MARCHF1: variants seen among roughly 807,000 people sequenced by gnomAD.
MARCHF1 encodes the protein membrane associated ring-CH-type finger 1.
In MARCHF1, 40 loss-of-function variants were observed where a neutral mutation model predicts 54.2. The observed-to-expected ratio is 0.74, with a 90% CI of 0.57 to 0.96. MARCHF1 has a LOEUF of 0.96. MARCHF1 is among the 40% of genes least tolerant of loss of function. The probability of loss-of-function intolerance (pLI) is 0.00; values close to 1 mark genes in which losing one functional copy is unlikely to be tolerated. For synonymous variants in MARCHF1, 236 were observed against 236.3 expected, an observed-to-expected ratio of 1.00 and a Z score of 0.01; for missense variants, 586 against 656.5, an observed-to-expected ratio of 0.89 and a Z score of 1.17.
chr4:163,700,932 A>G, intron 4 of MARCHF1, 69 bp from the exon 5 acceptor site: 1 of 1,060,844 alleles, frequency 9.4e-7, no homozygotes, highest in East Asian at 2.6e-5. Flanking sequence ...TACCACTGAG[A>G]AGAGAAACCA....
At chr4:163,746,714 G>C (rs1340176026) in intron 4 of MARCHF1, among the ~76,000 whole-genome samples, 1 of 152,026 alleles carries the variant, frequency 6.6e-6, no homozygotes, top group Non-Finnish European at 1.5e-5. Flanking sequence ...AACACATTCT[G>C]ATAATATATC....
intron 1 of MARCHF1, among the ~76,000 whole-genome samples, chr4:164,264,744 A>G (rs1460152221): frequency 6.6e-6 from 1 of 151,956 alleles, no homozygotes; most frequent in Non-Finnish European, 1.5e-5. Context: ...ACATGGTGAA[A>G]CCCCATCTCT....
chr4:163,691,890 T>C (rs1015463696), intron 5 of MARCHF1, among the ~76,000 whole-genome samples: 3 of 152,148 alleles, frequency 2.0e-5, no homozygotes, highest in Admixed American at 6.6e-5. Flanking sequence ...AGAATCACCT[T>C]TGGCCTAACA....
intron 2 of MARCHF1, among the ~76,000 whole-genome samples, chr4:164,098,508 C>A (rs933394814): frequency 1.1e-4 from 16 of 152,176 alleles, no homozygotes; most frequent in African/African-American, 3.9e-4. Context: ...TCATGGTGTA[C>A]TTCAGTCTTA....
intron 2 of MARCHF1, among the ~76,000 whole-genome samples, chr4:164,016,979 C>CTTTTTATGGAAAAAACTTAGT (rs1560863370): frequency 6.6e-6 from 1 of 151,828 alleles, no homozygotes; most frequent in Non-Finnish European, 1.5e-5. Flanking sequence ...GGAAAAAACC[C>CTTTTTATGGAAAAAACTTAGT]TCATGAACCT....
intron 1 of MARCHF1, among the ~76,000 whole-genome samples, chr4:164,335,517 G>A (rs1729710355): frequency 6.6e-6 from 1 of 151,644 alleles, no homozygotes; most frequent in African/African-American, 2.4e-5. Context: ...GGGAGGCGGA[G>A]CTTGCAGTGA....
At chr4:163,738,264 C>T (rs1230098224) in intron 4 of MARCHF1, among the ~76,000 whole-genome samples, 1 of 152,134 alleles carries the variant, frequency 6.6e-6, no homozygotes, top group African/African-American at 2.4e-5. Context: ...ATCGGTTTTT[C>T]TCAGTTTATG....
At chr4:163,965,321 T>C (rs1316886627) in intron 3 of MARCHF1, among the ~76,000 whole-genome samples, 1 of 151,974 alleles carries the variant, frequency 6.6e-6, no homozygotes, top group Non-Finnish European at 1.5e-5. Context: ...GTGCCAGACG[T>C]CCACTACTCT....
intron 1 of MARCHF1, among the ~76,000 whole-genome samples, chr4:164,315,004 G>T (rs1734958605): frequency 6.6e-6 from 1 of 152,066 alleles, no homozygotes; most frequent in Non-Finnish European, 1.5e-5. Context: ...CCACTTGCCA[G>T]GTAAATGTCA....
At chr4:164,358,172 CTCT>C (rs1336738292) in intron 1 of MARCHF1, among the ~76,000 whole-genome samples, 1 of 152,126 alleles carries the variant, frequency 6.6e-6, no homozygotes, top group Non-Finnish European at 1.5e-5. Context: ...TTTGTAAAGC[CTCT>C]TCTGCTAGGT....
chr4:163,936,829 G>A (rs1464606655), intron 3 of MARCHF1, among the ~76,000 whole-genome samples: 1 of 152,112 alleles, frequency 6.6e-6, no homozygotes, highest in Non-Finnish European at 1.5e-5. Context: ...AAAACTAACA[G>A]CTGAAAAGAG....
intron 7 of MARCHF1, among the ~76,000 whole-genome samples, chr4:163,594,514 A>C (rs1458059949): frequency 6.6e-6 from 1 of 151,888 alleles, no homozygotes; most frequent in Non-Finnish European, 1.5e-5. Context: ...ACACAAACAC[A>C]CACACAAACT....
At chr4:163,758,956 T>C (rs531282106) in intron 4 of MARCHF1, among the ~76,000 whole-genome samples, 1 of 152,314 alleles carries the variant, frequency 6.6e-6, no homozygotes, top group Admixed American at 6.5e-5. Flanking sequence ...AGGCTTCTTA[T>C]TACTAGTATT....
intron 1 of MARCHF1, among the ~76,000 whole-genome samples, chr4:164,142,344 T>A (rs1000790103): frequency 1.3e-5 from 2 of 152,144 alleles, no homozygotes; most frequent in African/African-American, 4.8e-5. Context: ...CCTGCCTGCC[T>A]CTGTAGGCTC....
chr4:163,827,453 T>G (rs1748885963), intron 4 of MARCHF1, among the ~76,000 whole-genome samples: 1 of 152,204 alleles, frequency 6.6e-6, no homozygotes, highest in Non-Finnish European at 1.5e-5. Flanking sequence ...ATTAAATTTC[T>G]ATTTTATTTG....
At chr4:163,781,929 G>A (rs923868353) in intron 4 of MARCHF1, among the ~76,000 whole-genome samples, 7 of 152,078 alleles carry the variant, frequency 4.6e-5, no homozygotes, top group African/African-American at 1.7e-4. Context: ...ACTGCCTGAG[G>A]CACTTTTTGA....
chr4:163,582,353 G>T (rs1740258550), intron 8 of MARCHF1, among the ~76,000 whole-genome samples: 1 of 152,084 alleles, frequency 6.6e-6, no homozygotes, highest in Admixed American at 6.5e-5. Flanking sequence ...ATAAGCGCTT[G>T]ATTTTATATT....
At chr4:164,254,316 C>T (rs77802276) in intron 1 of MARCHF1, among the ~76,000 whole-genome samples, 54,449 of 131,516 alleles carry the variant, frequency 0.41, 11,176 homozygotes, top group East Asian at 0.62. Context: ...TAATAGTATA[C>T]ATATATATAT....
At chr4:164,279,335 GATAA>G (rs1442584038) in intron 1 of MARCHF1, among the ~76,000 whole-genome samples, 1 of 151,378 alleles carries the variant, frequency 6.6e-6, no homozygotes, top group Non-Finnish European at 1.5e-5. Context: ...AAATATAATT[GATAA>G]ATAAGGTAAG....
Sources: gnomAD v4.1 joint callset for allele counts (sites outside exome capture counted in the v4.1 genomes callset) on GRCh38, gnomAD v4.1.1 for gene constraint, MANE v1.5 for transcripts, NCBI Gene and HGNC (gene_info 2026-07-23, HGNC 2026-07-21) for gene names.